TRMT11: variants seen among roughly 807,000 people sequenced by gnomAD.
TRMT11 encodes the protein tRNA (guanine(10)-N(2))-methyltransferase TRMT11.
In TRMT11, 53 loss-of-function variants were observed where a neutral mutation model predicts 62.8. The ratio of observed to expected loss-of-function variants is 0.84; its 90% CI spans 0.68 to 1.06. The LOEUF is 1.06. TRMT11 is among the 50% of genes least tolerant of loss of function. The probability of loss-of-function intolerance (pLI) is 0.00; values close to 1 mark genes in which losing one functional copy is unlikely to be tolerated. For missense variants in TRMT11, 556 were observed against 553.4 expected (o/e 1.00, Z -0.05); for synonymous variants, 188 against 190.3 (o/e 0.99, Z 0.10).
At chr6:126,205,661 A>T (rs192956868), downstream of TRMT11, among the ~76,000 whole-genome samples, 5 of 152,276 alleles carry the variant, frequency 3.3e-5, no homozygotes, top group East Asian at 9.6e-4. Flanking sequence ...TATTTGGAAA[A>T]CATCTATGTT....
intron 17 of TRMT11, among the ~76,000 whole-genome samples, chr6:126,076,957 A>G (rs1430513100): frequency 6.6e-6 from 1 of 152,180 alleles, no homozygotes; most frequent in African/African-American, 2.4e-5. Flanking sequence ...CTATTAGTCA[A>G]TAGAAGGTTT....
intron 7 of TRMT11, among the ~76,000 whole-genome samples, chr6:126,003,680 G>C (rs546780221): frequency 6.6e-6 from 1 of 151,936 alleles, no homozygotes; most frequent in African/African-American, 2.4e-5. Flanking sequence ...GACTTTCTTT[G>C]ATTTGTCTTT....
chr6:126,169,217 G>A (rs1315459854), intron 21 of TRMT11, among the ~76,000 whole-genome samples: 4 of 152,176 alleles, frequency 2.6e-5, no homozygotes, highest in African/African-American at 9.7e-5. Context: ...CCATTTGTGT[G>A]AGCTGCCCTG....
rs535398096 is a variant in TRMT11, at chr6:126,124,939, C to T, written c.*1823+9084C>T. 2.6e-5 allele frequency among the ~76,000 whole-genome samples: 4 copies of T among 152,230 alleles called. No homozygotes were observed. In the South Asian group the frequency reaches 8.3e-4, roughly 32 times the overall value. On this transcript the variant is annotated intron_variant and NMD_transcript_variant, in intron 21 of 22. Coordinates refer to the TRMT11 transcript ENST00000648977. ...TGCAAATCTCTTTAGAAATTAACCT[C>T]CTGTCTTTTGCCCAGACTGGGGAGA... is the stretch of plus-strand genomic sequence containing the variant.
intron 12 of TRMT11, among the ~76,000 whole-genome samples, chr6:126,035,474 C>T (rs1775015765): frequency 6.6e-6 from 1 of 152,102 alleles, no homozygotes. Flanking sequence ...GACATTTTAG[C>T]ACAGAACCCA....
chr6:126,200,347 C>T (rs377341312), intron 3 of TRMT11, among the ~76,000 whole-genome samples: 2 of 152,188 alleles, frequency 1.3e-5, no homozygotes, highest in Non-Finnish European at 2.9e-5. Context: ...GCTATCATTA[C>T]CATAACATTC....
chr6:126,117,787 TATC>T (rs1740449489), intron 21 of TRMT11, among the ~76,000 whole-genome samples: 2 of 152,066 alleles, frequency 1.3e-5, no homozygotes, highest in African/African-American at 4.8e-5. Flanking sequence ...ATAGTAGAAA[TATC>T]ACTGTAAATG....
chr6:126,072,500 G>C (rs1006915848), intron 17 of TRMT11, among the ~76,000 whole-genome samples: 1 of 152,180 alleles, frequency 6.6e-6, no homozygotes, highest in African/African-American at 2.4e-5. Context: ...TGCTTACTGA[G>C]TTGAAAATTA....
At chr6:126,114,572 G>A (rs754470476) in intron 18 of TRMT11, among the ~76,000 whole-genome samples, 2 of 152,020 alleles carry the variant, frequency 1.3e-5, no homozygotes, top group Non-Finnish European at 2.9e-5. Flanking sequence ...TGCCTTTCCC[G>A]CAGGGGGAGT....
chr6:126,265,017 C>A, the TRMT11 span, among the ~76,000 whole-genome samples: 1 of 152,134 alleles, frequency 6.6e-6, no homozygotes, highest in Non-Finnish European at 1.5e-5. Context: ...CAGAGCACTA[C>A]ACCAAATTTC....
At chr6:126,157,219 C>A (rs1050827459) in intron 21 of TRMT11, among the ~76,000 whole-genome samples, 1 of 152,206 alleles carries the variant, frequency 6.6e-6, no homozygotes, top group Non-Finnish European at 1.5e-5. Context: ...CTTCTTCTTT[C>A]TGCCAGCATA....
At chr6:126,241,938 A>G in the TRMT11 span, among the ~76,000 whole-genome samples, 4 of 152,196 alleles carry the variant, frequency 2.6e-5, no homozygotes, top group African/African-American at 9.6e-5. Flanking sequence ...GGCCAGGGCA[A>G]TCAGGCAGGA....
At chr6:126,255,958 C>T in the TRMT11 span, among the ~76,000 whole-genome samples, 3 of 152,064 alleles carry the variant, frequency 2.0e-5, no homozygotes, top group Non-Finnish European at 4.4e-5. Flanking sequence ...TCCTGTGAGT[C>T]GAATTTGGGA....
chr6:126,268,199 AAGG>A, the TRMT11 span, among the ~76,000 whole-genome samples: 2 of 152,162 alleles, frequency 1.3e-5, no homozygotes, highest in African/African-American at 2.4e-5. Flanking sequence ...AAACAAGAAG[AAGG>A]AGAAGAAGAG....
intron 21 of TRMT11, among the ~76,000 whole-genome samples, chr6:126,120,135 TGTG>T (rs2128195493): frequency 6.6e-6 from 1 of 151,980 alleles, no homozygotes; most frequent in South Asian, 2.1e-4. Flanking sequence ...ATTAGCCAGG[TGTG>T]GTGGCGCATG....
chr6:125,993,417 G>A (rs1583629849), intron 1 of TRMT11, among the ~76,000 whole-genome samples: 1 of 152,238 alleles, frequency 6.6e-6, no homozygotes, highest in East Asian at 1.9e-4. Context: ...TTCAAATCAT[G>A]TGTCTGATTT....
At chr6:126,190,028 C>G (rs561192456) in intron 1 of TRMT11, among the ~76,000 whole-genome samples, 1 of 152,054 alleles carries the variant, frequency 6.6e-6, no homozygotes, top group East Asian at 1.9e-4. Context: ...TACATCACCT[C>G]AAACATTTAT....
At chr6:126,018,560 G>T (rs531393863) in intron 11 of TRMT11, among the ~76,000 whole-genome samples, 29 of 151,736 alleles carry the variant, frequency 1.9e-4, no homozygotes, top group African/African-American at 7.0e-4. Context: ...ACAAAGTTGT[G>T]TGACCATCAC....
chr6:125,993,895 C>A, intron 2 of TRMT11, 73 bp downstream of exon 2: 1 of 834,352 alleles, frequency 1.2e-6, no homozygotes. Context: ...AGAAGAAGTG[C>A]ATATCTTAAA....
Sources: gnomAD v4.1 joint callset for allele counts (sites outside exome capture counted in the v4.1 genomes callset) on GRCh38, gnomAD v4.1.1 for gene constraint, MANE v1.5 for transcripts, NCBI Gene and HGNC (gene_info 2026-07-23, HGNC 2026-07-21) for gene names.